DACH2: variants seen among roughly 807,000 people sequenced by gnomAD.
DACH2 encodes the protein dachshund family transcription factor 2.
A neutral mutation model predicts 35.8 loss-of-function variants in DACH2; 17 were observed. That is an observed-to-expected ratio of 0.48 (90% confidence interval 0.33 to 0.71). The LOEUF (loss-of-function observed/expected upper bound fraction) is 0.71, where lower values mean the gene tolerates loss of function less well. DACH2 is among the 30% of genes least tolerant of loss of function. The pLI is 0.02. For synonymous variants in DACH2, 195 were observed against 177.3 expected, an observed-to-expected ratio of 1.10 and a Z score of -0.79; for missense variants, 469 against 472.7, an observed-to-expected ratio of 0.99 and a Z score of 0.07.
chrX:86,257,352 C>T (rs1010632895), intron 1 of DACH2, among the ~76,000 whole-genome samples: 3 of 112,352 alleles, frequency 2.7e-5, no homozygotes, highest in Non-Finnish European at 5.6e-5. Context: ...AATGGTCTTC[C>T]TCTTTCTTCC....
At chrX:86,641,473 C>T (rs770057118) in intron 3 of DACH2, among the ~76,000 whole-genome samples, 25 of 111,953 alleles carry the variant, frequency 2.2e-4, no homozygotes, top group Admixed American at 7.6e-4. Flanking sequence ...GCAAAATCTA[C>T]GAATCATTGG....
chrX:86,367,322 T>C (rs1050678649), intron 1 of DACH2, among the ~76,000 whole-genome samples: 3 of 111,689 alleles, frequency 2.7e-5, no homozygotes, highest in African/African-American at 9.8e-5. Context: ...ATTTATTCTA[T>C]GAATGAAAAT....
chrX:86,642,060 T>C (rs1209054179), intron 3 of DACH2, among the ~76,000 whole-genome samples: 1 of 111,442 alleles, frequency 9.0e-6, no homozygotes, highest in Non-Finnish European at 1.9e-5. Context: ...CAAGCCAACA[T>C]AGTTACCAGC....
At chrX:86,511,244 T>C (rs147956235) in intron 2 of DACH2, among the ~76,000 whole-genome samples, 8 of 111,788 alleles carry the variant, frequency 7.2e-5, no homozygotes, top group African/African-American at 1.9e-4. Flanking sequence ...AGTGCAGGAA[T>C]GTCTAGGAAT....
At chrX:86,427,074 G>A (rs2036906189) in intron 2 of DACH2, among the ~76,000 whole-genome samples, 1 of 111,289 alleles carries the variant, frequency 9.0e-6, no homozygotes, top group African/African-American at 3.3e-5. Flanking sequence ...TCATTCAAAA[G>A]GAGTCAGTCC....
chrX:86,395,466 G>A (rs945420418), intron 2 of DACH2, among the ~76,000 whole-genome samples: 3 of 110,351 alleles, frequency 2.7e-5, no homozygotes, highest in Non-Finnish European at 5.7e-5. Flanking sequence ...ATACATGTGC[G>A]ATGTTGGTGT....
At chrX:86,301,495 C>A (rs1017936074) in intron 1 of DACH2, among the ~76,000 whole-genome samples, 2 of 111,713 alleles carry the variant, frequency 1.8e-5, no homozygotes, top group Admixed American at 9.6e-5. Flanking sequence ...CAATCAAAAG[C>A]AGAAGTTTGT....
intron 3 of DACH2, among the ~76,000 whole-genome samples, chrX:86,533,037 T>TTTTATTTATTTATTTATTTA (rs1017295547): frequency 1.3e-4 from 15 of 111,163 alleles, no homozygotes; most frequent in East Asian, 8.5e-4. Context: ...ACTTACATTG[T>TTTTATTTATTTATTTATTTA]TTTATTTATT....
chrX:86,419,414 T>A (rs12009788), intron 2 of DACH2, among the ~76,000 whole-genome samples: 289 of 112,055 alleles, frequency 2.6e-3, no homozygotes, highest in African/African-American at 8.8e-3. Flanking sequence ...GCACAACAAG[T>A]CACATCTTAC....
At chrX:86,722,849 G>A (rs766948809) in intron 6 of DACH2, among the ~76,000 whole-genome samples, 2 of 111,125 alleles carry the variant, frequency 1.8e-5, no homozygotes, top group South Asian at 7.6e-4. Context: ...GATGTTACTG[G>A]CCTCATAGCA....
At chrX:86,312,702 G>A (rs139335592) in intron 1 of DACH2, among the ~76,000 whole-genome samples, 388 of 111,875 alleles carry the variant, frequency 3.5e-3, no homozygotes, top group Middle Eastern at 0.023. Flanking sequence ...CTTGCTGGAT[G>A]CTCCCCGCTC....
At chrX:86,535,612 G>A (rs1321717643) in intron 3 of DACH2, among the ~76,000 whole-genome samples, 3 of 110,936 alleles carry the variant, frequency 2.7e-5, no homozygotes, top group Non-Finnish European at 3.8e-5. Context: ...CTCTGGTATA[G>A]CATCACATTG....
intron 7 of DACH2, among the ~76,000 whole-genome samples, chrX:86,777,215 G>T: frequency 1.5e-5 from 1 of 65,912 alleles, no homozygotes; most frequent in East Asian, 4.2e-4. Flanking sequence ...CAGTGTAAAA[G>T]TGTTCCTATT....
At chrX:86,686,608 A>C (rs2040947265) in intron 4 of DACH2, among the ~76,000 whole-genome samples, 1 of 111,796 alleles carries the variant, frequency 8.9e-6, no homozygotes, top group African/African-American at 3.2e-5. Flanking sequence ...ACAATTTAAA[A>C]ATTTGGGGGT....
chrX:86,150,872 C>T (rs1039819138), intron 1 of DACH2, among the ~76,000 whole-genome samples: 1 of 111,189 alleles, frequency 9.0e-6, no homozygotes, highest in Non-Finnish European at 1.9e-5. Context: ...AAAACCTATT[C>T]TCTTATTAAC....
chrX:86,803,507 A>G (rs1456838979), intron 7 of DACH2, among the ~76,000 whole-genome samples: 1 of 111,340 alleles, frequency 9.0e-6, no homozygotes, highest in Non-Finnish European at 1.9e-5. Flanking sequence ...TTGTAAATAA[A>G]TAAATACATA....
intron 1 of DACH2, among the ~76,000 whole-genome samples, chrX:86,201,850 C>G (rs756727472): frequency 3.6e-5 from 4 of 110,499 alleles, no homozygotes; most frequent in Non-Finnish European, 5.7e-5. Context: ...TAGTAAGAGT[C>G]AAGTGATGAA....
chrX:86,750,881 C>A (rs2041765661), intron 7 of DACH2, among the ~76,000 whole-genome samples: 1 of 111,556 alleles, frequency 9.0e-6, no homozygotes, highest in Non-Finnish European at 1.9e-5. Flanking sequence ...TGTTATTGTG[C>A]ATAATACTGG....
chrX:86,618,496 T>C (rs1274462317), intron 3 of DACH2, among the ~76,000 whole-genome samples: 3 of 111,913 alleles, frequency 2.7e-5, no homozygotes, highest in Admixed American at 9.6e-5. Flanking sequence ...GTGTTCATAA[T>C]ATAGACTTAT....
Sources: allele counts gnomAD v4.1 joint callset (sites outside exome capture counted in the v4.1 genomes callset), GRCh38; gene constraint gnomAD v4.1.1; transcripts MANE v1.5; gene names NCBI Gene and HGNC (gene_info 2026-07-23, HGNC 2026-07-21).